Variants in ARHGAP44 observed in about 807,000 individuals in gnomAD.
The protein encoded by ARHGAP44 is rho GTPase-activating protein 44.
A neutral mutation model predicts 106.8 loss-of-function variants in ARHGAP44; 43 were observed. That is an observed-to-expected ratio of 0.40 (90% CI 0.32 to 0.52). The LOEUF is 0.52. ARHGAP44 is among the 20% of genes least tolerant of loss of function. The probability of loss-of-function intolerance (pLI) is 0.48; values close to 1 mark genes in which losing one functional copy is unlikely to be tolerated. For missense variants in ARHGAP44, 866 were observed against 1,050.5 expected (o/e 0.82, Z 2.43); for synonymous variants, 439 against 410.3 (o/e 1.07, Z -0.85).
At chr17:12,871,137 A>G (rs996756568) in intron 1 of ARHGAP44, among the ~76,000 whole-genome samples, 2 of 152,238 alleles carry the variant, frequency 1.3e-5, no homozygotes, top group African/African-American at 4.8e-5. Context: ...AAGTGCTTTT[A>G]TCGTGGCTCC....
At chr17:12,989,119 A>C (rs888473131) in intron 20 of ARHGAP44, among the ~76,000 whole-genome samples, 3 of 146,770 alleles carry the variant, frequency 2.0e-5, no homozygotes, top group Middle Eastern at 3.6e-3. Flanking sequence ...AAAAAAAAAA[A>C]AAAAAACTAA....
intron 1 of ARHGAP44, among the ~76,000 whole-genome samples, chr17:12,873,570 G>A (rs573007753): frequency 6.0e-4 from 92 of 152,282 alleles, no homozygotes; most frequent in African/African-American, 2.1e-3. Flanking sequence ...AACTAGAATT[G>A]CATTGAAGTA....
chr17:12,802,946 TATATATATATATATATATA>T (rs1487097818), intron 1 of ARHGAP44, among the ~76,000 whole-genome samples: 716 of 20,296 alleles, frequency 0.035, 67 homozygotes, highest in African/African-American at 0.15. Flanking sequence ...TATATATATA[TATATATATATATATATATA>T]TATATTTTTT....
chr17:12,838,831 G>A (rs894088574), intron 1 of ARHGAP44, among the ~76,000 whole-genome samples: 1 of 151,708 alleles, frequency 6.6e-6, no homozygotes, highest in Non-Finnish European at 1.5e-5. Flanking sequence ...ACCACCATGC[G>A]TGGCTAATTT....
chr17:12,893,927 A>T (rs1304223509), intron 1 of ARHGAP44, among the ~76,000 whole-genome samples: 1 of 152,170 alleles, frequency 6.6e-6, no homozygotes, highest in Non-Finnish European at 1.5e-5. Flanking sequence ...GTTCCCAGCC[A>T]GTATGCCTTC....
chr17:12,870,952 A>G (rs1056199589), intron 1 of ARHGAP44, among the ~76,000 whole-genome samples: 17 of 151,430 alleles, frequency 1.1e-4, no homozygotes, highest in African/African-American at 3.2e-4. Context: ...GCTTTGGTCA[A>G]TTTTTTTCTT....
Position 12,908,980 on chromosome 17 carries a change from T to C in ARHGAP44, c.275+7T>C, listed in dbSNP as rs752675918. 3 of 1,585,192 alleles carry C rather than the reference T, an allele frequency of 1.9e-6. No individual in the cohort carries two copies. In the Admixed American group the frequency reaches 5.8e-5, roughly 30 times the overall value. On this transcript the variant is annotated splice_region_variant and intron_variant, in intron 4 of 20. Coordinates refer to ENST00000379672, the MANE Select transcript of ARHGAP44 (RefSeq NM_014859.6). ...GAGATGACACACTTCTTGGGTAAGG[T>C]GACACCTTGCGTGAGTTTGGTGCCA...
At position 12,958,658 on chromosome 17, in the gene ARHGAP44, G is replaced by GCCTC; in HGVS notation, c.1343-57_1343-56insTCCC. On this transcript the variant is annotated intron_variant, in intron 15 of 20. Coordinates refer to ENST00000379672, the MANE Select transcript of ARHGAP44 (RefSeq NM_014859.6). The surrounding 1 kb of genome is among the most constrained non-coding windows in gnomAD (Gnocchi z 4.1). ...GGGTGTCTGGACTCATTCCTCCCCTGCCCAGGAAGGGTGTGGCAGACCAAG... is the reference window on the plus strand; with the variant it reads ...GGGTGTCTGGACTCATTCCTCCCCTGCCTCCCCAGGAAGGGTGTGGCAGACCAAG... The GCCTC allele has an allele frequency of 6.5e-7, 1 of 1,547,760 alleles. No homozygotes were observed. Among genetic ancestry groups the GCCTC allele is most frequent in the East Asian group, 2.3e-5 (1 of 44,108 alleles).
At chr17:12,905,251 G>A (rs1598030619) in intron 3 of ARHGAP44, among the ~76,000 whole-genome samples, 1 of 152,066 alleles carries the variant, frequency 6.6e-6, no homozygotes, top group African/African-American at 2.4e-5. Flanking sequence ...GGAGGGAGAG[G>A]TTATGCTCCT....
intron 1 of ARHGAP44, among the ~76,000 whole-genome samples, chr17:12,873,164 C>A (rs548429671): frequency 6.6e-6 from 1 of 152,224 alleles, no homozygotes; most frequent in Non-Finnish European, 1.5e-5. Context: ...CTCTTGTCCC[C>A]TAATTCCCAT....
At chr17:12,969,824 T>C (rs1172015540) in intron 16 of ARHGAP44, among the ~76,000 whole-genome samples, 1 of 152,166 alleles carries the variant, frequency 6.6e-6, no homozygotes, top group African/African-American at 2.4e-5. Context: ...ATTGATAAAC[T>C]ATCTTCATGG....
chr17:12,892,158 T>G (rs2037068331), intron 1 of ARHGAP44, among the ~76,000 whole-genome samples: 1 of 152,246 alleles, frequency 6.6e-6, no homozygotes, highest in Non-Finnish European at 1.5e-5. Context: ...TGTCAACTTT[T>G]GTATATCTGA....
chr17:12,890,162 T>C (rs926173325), intron 1 of ARHGAP44, among the ~76,000 whole-genome samples: 1 of 152,120 alleles, frequency 6.6e-6, no homozygotes, highest in African/African-American at 2.4e-5. Context: ...CTACAGTGGC[T>C]TTGTCCCCAC....
chr17:12,887,282 CA>C (rs2036909915), intron 1 of ARHGAP44, among the ~76,000 whole-genome samples: 1 of 152,122 alleles, frequency 6.6e-6, no homozygotes, highest in Non-Finnish European at 1.5e-5. Context: ...GGCTGGAGTA[CA>C]AAGGAGTGAT....
Position 12,991,355 on chromosome 17 carries a change from AT to A in ARHGAP44, c.*1185del, listed in dbSNP as rs1239271394. 1 of 153,860 alleles carries A rather than the reference AT, an allele frequency of 6.5e-6. No homozygotes were observed. Among genetic ancestry groups the A allele is most frequent in the African/African-American group, 2.4e-5 (1 of 41,486 alleles). 9.5% of individuals were successfully genotyped at this position (153,860 alleles called of 1,614,324 possible). A position where few individuals can be genotyped will look rare whatever the true frequency, so the allele number is the denominator to read the frequency against. ...ATATTTGTATATATGAAATCTCTCTATATTTGTTTAATTTGAGCCATTCAAT... is the reference window on the plus strand; with the variant it reads ...ATATTTGTATATATGAAATCTCTCTAATTTGTTTAATTTGAGCCATTCAAT... On this transcript the variant is annotated 3_prime_UTR_variant, in exon 21 of 21. Transcript: ENST00000379672.
rs143251387 is a variant in ARHGAP44 at position 12,914,083 on chromosome 17, G to T, written c.276-1817G>T. ...AGAGTGAAAATCTGCCTTCACACACGTGTGTATATGAAGTTCCTACAAATA... is the reference window on the plus strand; with the variant it reads ...AGAGTGAAAATCTGCCTTCACACACTTGTGTATATGAAGTTCCTACAAATA... On this transcript the variant is annotated intron_variant, in intron 4 of 20. Transcript: ENST00000379672. 2.2e-3 allele frequency among the ~76,000 whole-genome samples: 329 copies of T among 151,848 alleles called. 1 individual carries two copies. Among genetic ancestry groups the T allele is most frequent in the African/African-American group, 7.6e-3 (316 of 41,428 alleles).
intron 1 of ARHGAP44, among the ~76,000 whole-genome samples, chr17:12,848,890 A>C (rs2035649553): frequency 6.6e-6 from 1 of 152,072 alleles, no homozygotes; most frequent in Admixed American, 6.5e-5. Context: ...CTACTAAAAA[A>C]ATACAAAATT....
chr17:12,896,370 C>G, intron 2 of ARHGAP44, 37 bp from the exon 3 acceptor site: 1 of 1,546,732 alleles, frequency 6.5e-7, no homozygotes, highest in Non-Finnish European at 8.8e-7. Context: ...CTGACCTTGC[C>G]CTCTCTCAGT....
In ARHGAP44 at chr17:12,894,970, C is replaced by A. The variant is rs2037159792; in HGVS notation, c.84C>A (p.Asp28Glu). 6.3e-7 allele frequency: 1 copy of A among 1,588,960 alleles called. No individual in the cohort carries two copies. Among genetic ancestry groups the A allele is most frequent in the Non-Finnish European group, 8.6e-7 (1 of 1,166,836 alleles). The change falls in exon 2 of 21, where the codon GAC becomes GAA. Residue 28 changes from aspartate to glutamate, a missense_variant. Asp to Glu is a conservative substitution (Grantham distance 45). This residue lies in a region of ARHGAP44 where 448 missense variants were observed against 646.9 expected (regional missense o/e 0.69). Transcript: ENST00000379672. The stretch of plus-strand genomic sequence containing the variant: ...AAAAGACAGAAGTTTTGAGTGAAGA[C>A]CTTCTTCAGGTAAGGCGGCCATTGA... Reference protein sequence around the residue: ...RAEKTEVLSEDLLQVEKRLEL... With the variant: ...RAEKTEVLSEELLQVEKRLEL...
Sources: gnomAD v4.1 joint callset for allele counts (sites outside exome capture counted in the v4.1 genomes callset) on GRCh38, gnomAD v4.1.1 for gene constraint, gnomAD v4.1.1 regional missense constraint, Gnocchi (gnomAD v3.1) non-coding constraint, MANE v1.5 for transcripts, NCBI Gene and HGNC (gene_info 2026-07-23, HGNC 2026-07-21) for gene names.